SH3KBP1: variants seen among roughly 807,000 people sequenced by gnomAD.
The protein encoded by SH3KBP1 is SH3 domain containing kinase binding protein 1.
Under a neutral mutation model 50.1 loss-of-function variants are expected in SH3KBP1, and 8 were observed. The observed-to-expected ratio is 0.16, with a 90% CI of 0.09 to 0.29. The LOEUF is 0.29. SH3KBP1 is among the 10% of genes least tolerant of loss of function. The pLI is 1.00. For missense variants in SH3KBP1, 377 were observed against 535.2 expected (o/e 0.70, Z 2.92); for synonymous variants, 227 against 218.6 (o/e 1.04, Z -0.34).
At chrX:19,670,761 A>C in intron 6 of SH3KBP1, 1 of 881,379 alleles carries the variant, frequency 1.1e-6, no homozygotes, top group South Asian at 2.9e-5. Context: ...ACTAATGCAA[A>C]CCCATTACCC....
chrX:19,583,152 TA>T (rs2066432615), intron 12 of SH3KBP1, among the ~76,000 whole-genome samples: 1 of 104,838 alleles, frequency 9.5e-6, no homozygotes, highest in African/African-American at 3.4e-5. Flanking sequence ...TTATTATTAT[TA>T]TTATTATTAT....
chrX:19,579,126 C>T (rs751387020), intron 12 of SH3KBP1, among the ~76,000 whole-genome samples: 1 of 112,188 alleles, frequency 8.9e-6, no homozygotes, highest in South Asian at 3.7e-4. Context: ...TCTGGATAAG[C>T]ACAAACAAGC....
chrX:19,831,412 CAAA>C (rs1168426297), intron 2 of SH3KBP1, among the ~76,000 whole-genome samples: 4 of 47,622 alleles, frequency 8.4e-5, no homozygotes, highest in Non-Finnish European at 4.0e-5. Flanking sequence ...CAACCCATCT[CAAA>C]AAAAAAAAAA....
chrX:19,550,079 T>C lies in SH3KBP1; in HGVS notation c.1389A>G (p.Leu463=), dbSNP rs757138268. 16 of 1,195,918 alleles carry C rather than the reference T, an allele frequency of 1.3e-5. No homozygotes were observed. Among genetic ancestry groups the C allele is most frequent in the Non-Finnish European group, 1.8e-5 (16 of 882,097 alleles). The change falls in exon 14 of 18, where the codon TTA becomes TTG. Residue 463 remains leucine, a synonymous_variant. Transcript: ENST00000397821. The part of the protein sequence containing the change: ...DLSDRSNDID[L]EGFDSVVSST... ...ATGATACCACGGAGTCAAAACCTTC[T>C]AAGTCTAAAACAAAAGTAAAACAGT...
At chrX:19,657,187 G>C (rs2062301216) in intron 6 of SH3KBP1, among the ~76,000 whole-genome samples, 1 of 109,352 alleles carries the variant, frequency 9.1e-6, no homozygotes, top group Non-Finnish European at 1.9e-5. Context: ...GGCCAGCCTG[G>C]GCAACACAGT....
intron 17 of SH3KBP1, 105 bp downstream of exon 17, chrX:19,537,612 A>G: frequency 3.1e-6 from 2 of 650,396 alleles, no homozygotes. Flanking sequence ...ATGTATCCAG[A>G]TCTGCAGAGA....
chrX:19,645,787 G>T (rs1254992651), intron 6 of SH3KBP1, among the ~76,000 whole-genome samples: 1 of 112,060 alleles, frequency 8.9e-6, no homozygotes, highest in Admixed American at 9.5e-5. Context: ...GTTCCCCTCA[G>T]TTTATGAGAA....
In SH3KBP1 at chrX:19,536,357, G is replaced by T; in HGVS notation, c.*60C>A. 1.3e-6 allele frequency: 1 copy of T among 770,322 alleles called. No individual in the cohort carries two copies. The highest frequency in any genetic ancestry group is 1.9e-6 in the Non-Finnish European group (1 of 519,709). The allele number at this position is 770,322 out of a possible 1,213,427, so 63.5% of individuals were successfully genotyped here. On this transcript the variant is annotated 3_prime_UTR_variant, in exon 18 of 18. Coordinates refer to ENST00000397821, the MANE Select transcript of SH3KBP1 (RefSeq NM_031892.3). The stretch of plus-strand genomic sequence containing the variant: ...TTTGGCACAAGATTATTTTGGCTGG[G>T]GCAGAAAATTTGAGTCTCGGACTCA...
chrX:19,834,723 T>C (rs1285088222), intron 2 of SH3KBP1, among the ~76,000 whole-genome samples: 1 of 111,851 alleles, frequency 8.9e-6, no homozygotes, highest in Non-Finnish European at 1.9e-5. Flanking sequence ...GAAAATAATA[T>C]TGCTCCTATC....
intron 6 of SH3KBP1, among the ~76,000 whole-genome samples, chrX:19,652,299 T>C (rs931418262): frequency 9.0e-6 from 1 of 111,423 alleles, no homozygotes; most frequent in African/African-American, 3.3e-5. Context: ...TATCCTCCTA[T>C]TAATTATTGG....
intron 7 of SH3KBP1, among the ~76,000 whole-genome samples, chrX:19,642,089 G>A (rs922625535): frequency 8.9e-6 from 1 of 111,781 alleles, no homozygotes; most frequent in African/African-American, 3.3e-5. Flanking sequence ...AGATCCTCCC[G>A]CCTCGGCCCC....
chrX:19,886,549 G>A (rs1179492411), intron 1 of SH3KBP1, among the ~76,000 whole-genome samples: 1 of 111,957 alleles, frequency 8.9e-6, no homozygotes, highest in Non-Finnish European at 1.9e-5. Flanking sequence ...TCAAAGGTTA[G>A]TTGGCTACTT....
At chrX:19,742,110 T>C (rs1475615665) in intron 3 of SH3KBP1, among the ~76,000 whole-genome samples, 1 of 111,325 alleles carries the variant, frequency 9.0e-6, no homozygotes, top group African/African-American at 3.3e-5. Flanking sequence ...TTTTTTTGTT[T>C]TTTGTTTTGA....
At chrX:19,737,991 A>G (rs1360282127) in intron 3 of SH3KBP1, among the ~76,000 whole-genome samples, 5 of 111,448 alleles carry the variant, frequency 4.5e-5, no homozygotes, top group Non-Finnish European at 5.7e-5. Context: ...CACCATCTCC[A>G]CTCACTTACT....
intron 9 of SH3KBP1, among the ~76,000 whole-genome samples, chrX:19,599,885 C>T (rs990121534): frequency 9.0e-5 from 10 of 110,812 alleles, no homozygotes; most frequent in Non-Finnish European, 1.7e-4. Context: ...CGGTGGCTCA[C>T]GCCTGTAATC....
intron 6 of SH3KBP1, among the ~76,000 whole-genome samples, chrX:19,673,167 T>A (rs1373369789): frequency 9.0e-6 from 1 of 110,618 alleles, no homozygotes; most frequent in Non-Finnish European, 1.9e-5. Flanking sequence ...AACTCTATTA[T>A]CTTCACAACT....
At chrX:19,568,634 T>C (rs894157665) in intron 13 of SH3KBP1, among the ~76,000 whole-genome samples, 5 of 111,744 alleles carry the variant, frequency 4.5e-5, no homozygotes, top group Non-Finnish European at 9.4e-5. Context: ...ATTTATCACA[T>C]GGTGGTATCC....
At chrX:19,884,496 T>C (rs1037290523) in intron 1 of SH3KBP1, among the ~76,000 whole-genome samples, 1 of 112,716 alleles carries the variant, frequency 8.9e-6, no homozygotes, top group Admixed American at 9.4e-5. Flanking sequence ...CAGCAAGCTT[T>C]TGCTCGTGCC....
chrX:19,760,518 G>A (rs1311800322), intron 2 of SH3KBP1, among the ~76,000 whole-genome samples: 1 of 109,669 alleles, frequency 9.1e-6, no homozygotes, highest in African/African-American at 3.3e-5. Flanking sequence ...ACACAAGTGG[G>A]CACCGAGAAT....
Sources: gnomAD v4.1 joint callset for allele counts (sites outside exome capture counted in the v4.1 genomes callset) on GRCh38, gnomAD v4.1.1 for gene constraint, MANE v1.5 for transcripts, NCBI Gene and HGNC (gene_info 2026-07-23, HGNC 2026-07-21) for gene names.